COG3: variants seen among roughly 807,000 people sequenced by gnomAD.
The protein encoded by COG3 is conserved oligomeric Golgi complex subunit 3.
Under a neutral mutation model 114.1 loss-of-function variants are expected in COG3, and 32 were observed. That is an observed-to-expected ratio of 0.28 (90% CI 0.21 to 0.38). The LOEUF (loss-of-function observed/expected upper bound fraction) is 0.38. Among genes scored for constraint, COG3 ranks in the 10% least tolerant of loss-of-function variants. The pLI is 1.00. For missense variants in COG3, 813 were observed against 973.2 expected, an observed-to-expected ratio of 0.84 and a Z score of 2.19; for synonymous variants, 352 against 365.7, an observed-to-expected ratio of 0.96 and a Z score of 0.43.
At chr13:45,522,529 G>T (rs1315204280) in intron 19 of COG3, among the ~76,000 whole-genome samples, 2 of 152,104 alleles carry the variant, frequency 1.3e-5, no homozygotes, top group African/African-American at 2.4e-5. Context: ...TGAGAAATGG[G>T]TTGAGTATTC....
rs1437427038 is a variant in COG3 at position 45,535,635 on chromosome 13, T to C, written c.*904T>C. ...GTTCTTTGAAAAGCAAACACTTTCA[T>C]GTCCTGTCTATTCATTCAGCTGGCT... On this transcript the variant is annotated 3_prime_UTR_variant, in exon 23 of 23. Transcript: ENST00000349995. 4 of 985,656 alleles carry C rather than the reference T, an allele frequency of 4.1e-6. No homozygotes were observed. The highest frequency in any genetic ancestry group is 2.4e-6 in the Non-Finnish European group (2 of 830,094). The allele number at this position is 985,656 out of a possible 1,614,324, so 61.1% of individuals were successfully genotyped here.
rs1293617648 is a variant in COG3 at position 45,492,303 on chromosome 13, CCA to C, written c.1187+54_1187+55del. 6 of 1,002,184 alleles carry C rather than the reference CCA, an allele frequency of 6.0e-6. No homozygotes were observed. The African/African-American group carries it at 9.7e-5, about 16-fold the overall frequency. 62.1% of individuals were successfully genotyped at this position (1,002,184 alleles called of 1,614,324 possible). The stretch of plus-strand genomic sequence containing the variant: ...TTCATAAAATTTAACTTGCTAATGA[CCA>C]TAATGAATCAGTATATTATAGGAGT... On this transcript the variant is annotated intron_variant, in intron 11 of 22. Transcript: ENST00000349995.
chr13:45,489,379 C>T (rs1306933079), intron 8 of COG3, among the ~76,000 whole-genome samples: 1 of 148,878 alleles, frequency 6.7e-6, no homozygotes, highest in Non-Finnish European at 1.5e-5. Context: ...AGATGTCTAA[C>T]AGATGTCTAA....
At chr13:45,475,052 C>T (rs979687085) in intron 1 of COG3, among the ~76,000 whole-genome samples, 18 of 152,090 alleles carry the variant, frequency 1.2e-4, no homozygotes, top group African/African-American at 2.7e-4. Context: ...GTCTGTGGGC[C>T]GCTTCTGAAA....
chr13:45,500,104 A>G (rs61953518), intron 13 of COG3, among the ~76,000 whole-genome samples: 11,524 of 50,826 alleles, frequency 0.23, 662 homozygotes, highest in East Asian at 0.39. Flanking sequence ...GTATATATAT[A>G]TATATATATA....
At position 45,528,117 on chromosome 13, in the gene COG3, GATA is replaced by G. The variant is rs536813738; in HGVS notation, c.2231-1667_2231-1665del. ...AAAGCATTCCTAATTTTGCTTTAAA[GATA>G]ATAATATTGATTCTTGCAAAATATA... On this transcript the variant is annotated intron_variant, in intron 20 of 22. Transcript: ENST00000349995. Among the ~76,000 whole-genome samples, 627 of 152,190 alleles carry G rather than the reference GATA, an allele frequency of 4.1e-3. 2 individuals carry two copies. The highest frequency in any genetic ancestry group is 0.017 in the Middle Eastern group (5 of 294).
chr13:45,519,692 A>G (rs1871906822), intron 19 of COG3, among the ~76,000 whole-genome samples: 1 of 152,208 alleles, frequency 6.6e-6, no homozygotes, highest in Non-Finnish European at 1.5e-5. Flanking sequence ...CATCAACAGT[A>G]TAATGAAACA....
At chr13:45,514,332 T>C (rs1264514948) in intron 16 of COG3, among the ~76,000 whole-genome samples, 1 of 152,104 alleles carries the variant, frequency 6.6e-6, no homozygotes, top group East Asian at 1.9e-4. Context: ...AGCTAATTTT[T>C]GCATTTGTAG....
chr13:45,490,882 T>C, intron 8 of COG3, 33 bp from the exon 9 acceptor site: 1 of 1,385,086 alleles, frequency 7.2e-7, no homozygotes, highest in Non-Finnish European at 1.0e-6. Context: ...ATAACAGAGA[T>C]GGTTTTTTGA....
chr13:45,493,095 G>T (rs931807876), intron 11 of COG3, among the ~76,000 whole-genome samples: 1 of 152,084 alleles, frequency 6.6e-6, no homozygotes, highest in Non-Finnish European at 1.5e-5. Flanking sequence ...GTTGTAATAG[G>T]TTGACTTTTG....
chr13:45,480,374 T>C (rs1205647347), intron 4 of COG3, 84 bp downstream of exon 4: 2 of 993,056 alleles, frequency 2.0e-6, no homozygotes, highest in Admixed American at 5.7e-5. Context: ...ATTTTCTTAA[T>C]TTCTCCAAGA....
chr13:45,524,232 C>T (rs1872466983), intron 19 of COG3, among the ~76,000 whole-genome samples: 1 of 152,182 alleles, frequency 6.6e-6, no homozygotes, highest in Non-Finnish European at 1.5e-5. Context: ...TGGACTGCAC[C>T]TTTGGCACAT....
chr13:45,508,724 C>T (rs984509654), intron 14 of COG3, among the ~76,000 whole-genome samples: 1 of 152,146 alleles, frequency 6.6e-6, no homozygotes, highest in African/African-American at 2.4e-5. Context: ...TTTGGTCCCT[C>T]GACCCAGAAG....
At chr13:45,474,930 G>C (rs1885764724) in intron 1 of COG3, among the ~76,000 whole-genome samples, 1 of 118,114 alleles carries the variant, frequency 8.5e-6, no homozygotes, top group Non-Finnish European at 1.7e-5. Flanking sequence ...CTTTCCCTTT[G>C]TTTTGGTCTA....
intron 22 of COG3, among the ~76,000 whole-genome samples, chr13:45,533,698 G>C (rs934636029): frequency 2.0e-5 from 3 of 152,154 alleles, no homozygotes; most frequent in Admixed American, 1.3e-4. Flanking sequence ...CCAGTCCCAG[G>C]TCATGCATTG....
intron 19 of COG3, among the ~76,000 whole-genome samples, chr13:45,522,623 G>A (rs564325785): frequency 3.3e-5 from 5 of 152,056 alleles, no homozygotes; most frequent in Non-Finnish European, 5.9e-5. Flanking sequence ...GATCTTTCCT[G>A]AGAAAAAATA....
At chr13:45,497,325 T>A (rs915586104) in intron 13 of COG3, among the ~76,000 whole-genome samples, 1 of 152,190 alleles carries the variant, frequency 6.6e-6, no homozygotes, top group Non-Finnish European at 1.5e-5. Flanking sequence ...TGAAACAGAA[T>A]TAGAACTTCT....
rs1001073852 is a variant in COG3 at position 45,512,087 on chromosome 13, C to T, written c.1809+233C>T. 6.7e-5 allele frequency: 29 copies of T among 432,246 alleles called. No individual in the cohort carries two copies. In the East Asian group the frequency reaches 1.1e-3, roughly 16 times the overall value. 26.8% of individuals were successfully genotyped at this position (432,246 alleles called of 1,614,324 possible). ...TACCAAAAGTGGTACTTAGGTTACA[C>T]ATTCTATAGAGTAAAGGTTTCTTGT... On this transcript the variant is annotated intron_variant, in intron 16 of 22. Coordinates refer to ENST00000349995, the MANE Select transcript of COG3 (RefSeq NM_031431.4).
chr13:45,481,912 G>C (rs775439208), intron 5 of COG3, among the ~76,000 whole-genome samples: 1 of 152,116 alleles, frequency 6.6e-6, no homozygotes, highest in South Asian at 2.1e-4. Context: ...TCATTGCCAA[G>C]CTATTTGTAT....
Sources: allele counts gnomAD v4.1 joint callset (sites outside exome capture counted in the v4.1 genomes callset), GRCh38; gene constraint gnomAD v4.1.1; transcripts MANE v1.5; gene names NCBI Gene and HGNC (gene_info 2026-07-23, HGNC 2026-07-21).